DLG2: variants seen among roughly 807,000 people sequenced by gnomAD.
DLG2 encodes the protein disks large homolog 2.
DLG2 carries 45 observed loss-of-function variants against 132.5 expected under a neutral mutation model. The ratio of observed to expected loss-of-function variants is 0.34; its 90% CI spans 0.27 to 0.44. DLG2 has a LOEUF of 0.44. Among genes scored for constraint, DLG2 ranks in the 20% least tolerant of loss-of-function variants. The pLI, the probability that DLG2 is intolerant of heterozygous loss-of-function variation, is 1.00. For synonymous variants in DLG2, 424 were observed against 419.6 expected (o/e 1.01, Z -0.13); for missense variants, 1,045 against 1,196.9 (o/e 0.87, Z 1.87).
At chr11:85,227,585 T>G (rs1485409697) in intron 4 of DLG2, among the ~76,000 whole-genome samples, 1 of 152,168 alleles carries the variant, frequency 6.6e-6, no homozygotes, top group Non-Finnish European at 1.5e-5. Flanking sequence ...CTATCTGCCT[T>G]GCATAATTCT....
chr11:85,622,325 T>C (rs1364339093), intron 2 of DLG2, among the ~76,000 whole-genome samples: 1 of 152,130 alleles, frequency 6.6e-6, no homozygotes, highest in Non-Finnish European at 1.5e-5. Flanking sequence ...AGAATATTTG[T>C]GTAGCTTGCT....
intron 6 of DLG2, among the ~76,000 whole-genome samples, chr11:84,566,276 TTTATC>T (rs2099455225): frequency 6.6e-6 from 1 of 152,120 alleles, no homozygotes; most frequent in Non-Finnish European, 1.5e-5. Context: ...AGTAATTATT[TTTATC>T]TTATGTCTTA....
intron 6 of DLG2, among the ~76,000 whole-genome samples, chr11:84,746,733 T>C (rs1018842657): frequency 1.2e-4 from 19 of 152,348 alleles, no homozygotes; most frequent in South Asian, 6.2e-4. Flanking sequence ...TTCAAACTGC[T>C]TAAACAATAA....
intron 6 of DLG2, among the ~76,000 whole-genome samples, chr11:84,823,696 A>G (rs952191862): frequency 4.6e-5 from 7 of 151,658 alleles, no homozygotes; most frequent in Admixed American, 6.6e-5. Flanking sequence ...ACATAAAAAA[A>G]AGTTCCATAT....
intron 22 of DLG2, among the ~76,000 whole-genome samples, chr11:83,479,415 T>C (rs1437575738): frequency 6.6e-6 from 1 of 152,054 alleles, no homozygotes; most frequent in Non-Finnish European, 1.5e-5. Context: ...TTTCAATTAA[T>C]ACAATACTCA....
intron 16 of DLG2, among the ~76,000 whole-genome samples, chr11:83,841,795 T>C (rs998931006): frequency 2.0e-5 from 3 of 152,214 alleles, no homozygotes; most frequent in Non-Finnish European, 4.4e-5. Context: ...TACCCATCCA[T>C]CCAACTTCCA....
intron 3 of DLG2, among the ~76,000 whole-genome samples, chr11:85,473,194 C>A (rs916250250): frequency 5.3e-5 from 8 of 152,332 alleles, no homozygotes; most frequent in Middle Eastern, 3.4e-3. Context: ...AGATCTAGGC[C>A]AGTAGCAAAA....
intron 7 of DLG2, among the ~76,000 whole-genome samples, chr11:84,470,280 T>C (rs371085552): frequency 2.0e-5 from 3 of 151,740 alleles, no homozygotes; most frequent in African/African-American, 7.3e-5. Context: ...TAAGCCAAGA[T>C]GGATTTCAAA....
intron 6 of DLG2, among the ~76,000 whole-genome samples, chr11:85,060,506 T>C (rs570033333): frequency 3.3e-5 from 5 of 149,286 alleles, no homozygotes; most frequent in African/African-American, 1.2e-4. Flanking sequence ...CATATGTATA[T>C]GTGTGTGTGT....
intron 6 of DLG2, among the ~76,000 whole-genome samples, chr11:84,878,454 G>A (rs893209799): frequency 6.6e-6 from 1 of 152,084 alleles, no homozygotes; most frequent in Non-Finnish European, 1.5e-5. Flanking sequence ...ACTAACACAG[G>A]AACAGGAAAC....
intron 6 of DLG2, among the ~76,000 whole-genome samples, chr11:84,723,373 A>G (rs369351917): frequency 4.6e-5 from 7 of 152,322 alleles, no homozygotes; most frequent in East Asian, 3.9e-4. Flanking sequence ...AACAAAATGT[A>G]TATTTCATTT....
intron 7 of DLG2, among the ~76,000 whole-genome samples, chr11:84,261,282 C>T (rs1351197816): frequency 6.6e-6 from 1 of 152,200 alleles, no homozygotes; most frequent in Non-Finnish European, 1.5e-5. Context: ...CTTACTACTC[C>T]AAGCACATAC....
At chr11:83,889,840 C>A (rs2069174233) in intron 15 of DLG2, among the ~76,000 whole-genome samples, 1 of 151,864 alleles carries the variant, frequency 6.6e-6, no homozygotes, top group African/African-American at 2.4e-5. Context: ...AATCATCATT[C>A]TCAGTAAACT....
chr11:83,878,337 C>T (rs966709458), intron 15 of DLG2, among the ~76,000 whole-genome samples: 2 of 152,104 alleles, frequency 1.3e-5, no homozygotes, highest in Non-Finnish European at 2.9e-5. Flanking sequence ...ATCTGTAAGG[C>T]CCCCATGACT....
At chr11:84,363,533 T>C (rs1283804348) in intron 7 of DLG2, among the ~76,000 whole-genome samples, 1 of 151,984 alleles carries the variant, frequency 6.6e-6, no homozygotes, top group East Asian at 1.9e-4. Flanking sequence ...CATTTGTCAA[T>C]TTTGTCTTCT....
chr11:84,220,780 CTTTTTTTT>C (rs5793114), intron 8 of DLG2, among the ~76,000 whole-genome samples: 12 of 77,504 alleles, frequency 1.5e-4, no homozygotes, highest in South Asian at 5.2e-4. Flanking sequence ...TTTTTCTTTT[CTTTTTTTT>C]TTTTTTTTTT....
intron 4 of DLG2, among the ~76,000 whole-genome samples, chr11:85,254,346 G>A (rs1252797462): frequency 6.6e-6 from 1 of 152,142 alleles, no homozygotes; most frequent in Admixed American, 6.5e-5. Context: ...ACAGTATATA[G>A]AGAATATAAT....
At chr11:83,882,160 G>A (rs1178261452) in intron 15 of DLG2, among the ~76,000 whole-genome samples, 6 of 152,050 alleles carry the variant, frequency 3.9e-5, no homozygotes, top group African/African-American at 7.2e-5. Context: ...AATTTGGTAT[G>A]CCAAATATTT....
chr11:85,074,469 A>G (rs1035509908), intron 6 of DLG2, among the ~76,000 whole-genome samples: 1 of 151,888 alleles, frequency 6.6e-6, no homozygotes, highest in Non-Finnish European at 1.5e-5. Context: ...GAAGGATGAG[A>G]TAATTATCTA....
Sources: gnomAD v4.1 joint callset for allele counts (sites outside exome capture counted in the v4.1 genomes callset) on GRCh38, gnomAD v4.1.1 for gene constraint, MANE v1.5 for transcripts, NCBI Gene and HGNC (gene_info 2026-07-23, HGNC 2026-07-21) for gene names.